DPH1: variants seen among roughly 807,000 people sequenced by gnomAD.
The protein encoded by DPH1 is 2-(3-amino-3-carboxypropyl)histidine synthase subunit 1.
In DPH1, 59 loss-of-function variants were observed where a neutral mutation model predicts 55.3. The ratio of observed to expected loss-of-function variants is 1.07; its 90% CI spans 0.87 to 1.33. DPH1 has a LOEUF of 1.33. Among genes scored for constraint, DPH1 ranks in the 40% most tolerant of loss-of-function variants. The pLI is 0.00. For missense variants in DPH1, 628 were observed against 584.8 expected (o/e 1.07, Z -0.76); for synonymous variants, 238 against 235.5 (o/e 1.01, Z -0.10).
chr17:2,042,231 G>A (rs926770062), intron 12 of DPH1: 2 of 1,421,632 alleles, frequency 1.4e-6, no homozygotes, highest in Non-Finnish European at 1.8e-6. Flanking sequence ...ATCAGACTTC[G>A]GTGAGACAAG....
At chr17:2,035,504 G>GGGGGCCGGACGAGA (rs1555525099) in intron 3 of DPH1, among the ~76,000 whole-genome samples, 2 of 148,972 alleles carry the variant, frequency 1.3e-5, no homozygotes, top group African/African-American at 2.5e-5. Flanking sequence ...GGAGGGGGTG[G>GGGGGCCGGACGAGA]GGGCCCTGCC....
intron 3 of DPH1, chr17:2,035,077 T>G (rs1035006217): frequency 2.7e-5 from 4 of 150,592 alleles, no homozygotes; most frequent in Admixed American, 2.6e-4. Context: ...GAGGAGGGGG[T>G]GACTAGCAGG....
In DPH1 at chr17:2,042,700, G is replaced by C. The variant is rs771450816; in HGVS notation, c.*114G>C. 9 of 1,548,168 alleles carry C rather than the reference G, an allele frequency of 5.8e-6. No individual in the cohort carries two copies. In the Admixed American group the frequency reaches 1.6e-4, roughly 28 times the overall value. Reference sequence around the variant, plus strand: ...ATTGGAAGAGCCCGCCGTCTGCAGGGGCCTGGAGGAATCACTGGGGATGGT... The same window carrying C: ...ATTGGAAGAGCCCGCCGTCTGCAGGCGCCTGGAGGAATCACTGGGGATGGT... On this transcript the variant is annotated 3_prime_UTR_variant, in exon 13 of 13. Transcript: ENST00000263083.
At position 2,033,806 on chromosome 17, in the gene DPH1, T is replaced by C; in HGVS notation, c.242T>C (p.Leu81Pro). The C allele has an allele frequency of 1.2e-6, 2 of 1,614,174 alleles. No individual in the cohort carries two copies. Among genetic ancestry groups the C allele is most frequent in the Non-Finnish European group, 1.7e-6 (2 of 1,180,030 alleles). The change falls in exon 3 of 13, where the codon CTC (leucine) becomes CCC (proline). Residue 81 changes from leucine to proline, a missense_variant. Physicochemically the swap from Leu to Pro is moderately conservative, Grantham distance 98 (BLOSUM62 -3). Coordinates refer to ENST00000263083, the MANE Select transcript of DPH1 (RefSeq NM_001383.6). ...GCCTTGCAAATGCCGGAAGGCCTCC[T>C]CCTCTTTGCCTGTACCATTGTGGAT... ...KVALQMPEGL[L>P]LFACTIVDIL...
intron 3 of DPH1, among the ~76,000 whole-genome samples, chr17:2,034,504 TC>T (rs1219289341): frequency 2.2e-5 from 1 of 45,674 alleles, no homozygotes; most frequent in East Asian, 7.8e-4. Flanking sequence ...CCTCCCCTTC[TC>T]CCCCATCCCC....
At chr17:2,032,818 A>G (rs2067349044) in intron 1 of DPH1, among the ~76,000 whole-genome samples, 2 of 152,268 alleles carry the variant, frequency 1.3e-5, no homozygotes, top group East Asian at 3.9e-4. Flanking sequence ...ATCTCGGCTC[A>G]CTGCAAGCTC....
chr17:2,042,213 G>A (rs1323176171), intron 12 of DPH1: 18 of 1,431,564 alleles, frequency 1.3e-5, no homozygotes, highest in Middle Eastern at 1.8e-4. Flanking sequence ...GGGCCCCGAG[G>A]GCGCCAGATC....
intron 6 of DPH1, 134 bp downstream of exon 6, chr17:2,037,090 T>C: frequency 7.5e-7 from 1 of 1,327,462 alleles, no homozygotes; most frequent in Non-Finnish European, 1.0e-6. Context: ...CACTGCAAGG[T>C]AGGGACCAAA....
At position 2,041,472 on chromosome 17, in the gene DPH1, C is replaced by A; in HGVS notation, c.1087-9C>A. On this transcript the variant is annotated splice_polypyrimidine_tract_variant and intron_variant, in intron 10 of 12. Transcript: ENST00000263083. ...GCAGATGTTATTGTCCCTCCCTCCCCTCCCCTAGGCGGCCGTGGCTCTGAG... is the reference window on the plus strand; with the variant it reads ...GCAGATGTTATTGTCCCTCCCTCCCATCCCCTAGGCGGCCGTGGCTCTGAG... 6.3e-7 allele frequency: 1 copy of A among 1,596,958 alleles called. No homozygotes were observed. Among genetic ancestry groups the A allele is most frequent in the Non-Finnish European group, 8.5e-7 (1 of 1,173,258 alleles).
intron 6 of DPH1, chr17:2,039,291 G>A (rs1024248097): frequency 6.3e-6 from 1 of 158,584 alleles, no homozygotes; most frequent in Non-Finnish European, 1.4e-5. Context: ...TTGATCTCCT[G>A]ACCTCGTGAT....
At chr17:2,033,439 C>T (rs2151341461) in intron 1 of DPH1, 66 bp from the exon 2 acceptor site, 1 of 1,610,608 alleles carries the variant, frequency 6.2e-7, no homozygotes, top group East Asian at 2.2e-5. Flanking sequence ...AAAAGGGATC[C>T]CTATTCCATC....
chr17:2,032,733 G>GT (rs1170024883), intron 1 of DPH1, among the ~76,000 whole-genome samples: 1 of 152,122 alleles, frequency 6.6e-6, no homozygotes, highest in African/African-American at 2.4e-5. Flanking sequence ...CAAGCAAAGG[G>GT]TTTTTATTTT....
At chr17:2,033,905 C>G (rs1319009821) in intron 3 of DPH1, 63 bp downstream of exon 3, 4 of 1,595,474 alleles carry the variant, frequency 2.5e-6, no homozygotes, top group Non-Finnish European at 3.4e-6. Flanking sequence ...ATGCTCATTA[C>G]CCGGGTGGGT....
At chr17:2,033,930 G>A (rs2067367284) in intron 3 of DPH1, 88 bp downstream of exon 3, 10 of 1,522,304 alleles carry the variant, frequency 6.6e-6, no homozygotes, top group Middle Eastern at 2.0e-4. Context: ...CCCTGGTGGC[G>A]GGCATTTTTT....
intron 9 of DPH1, chr17:2,040,874 G>T: frequency 3.2e-6 from 2 of 632,026 alleles, no homozygotes; most frequent in Non-Finnish European, 5.6e-6. Flanking sequence ...GTGGTTCTGG[G>T]GATACTATCA....
chr17:2,030,776 C>G (rs1190157378), intron 1 of DPH1, among the ~76,000 whole-genome samples: 2 of 152,214 alleles, frequency 1.3e-5, no homozygotes, highest in African/African-American at 4.8e-5. Context: ...GTTAGCAGTT[C>G]CTTACACGCC....
At chr17:2,035,026 T>C in intron 3 of DPH1, 1 of 151,556 alleles carries the variant, frequency 6.6e-6, no homozygotes, top group Non-Finnish European at 1.5e-5. Context: ...AGGAGGTGAA[T>C]AATCTGCTTC....
chr17:2,037,437 G>A, intron 6 of DPH1, among the ~76,000 whole-genome samples: 1 of 152,192 alleles, frequency 6.6e-6, no homozygotes, highest in Non-Finnish European at 1.5e-5. Flanking sequence ...CGTACTAATG[G>A]CAGGGAGGGA....
chr17:2,038,732 T>C (rs768993707), intron 6 of DPH1, among the ~76,000 whole-genome samples: 13 of 152,142 alleles, frequency 8.5e-5, no homozygotes, highest in Non-Finnish European at 1.6e-4. Context: ...GCCAAAAATA[T>C]TGGTTACTGC....
Sources: allele counts gnomAD v4.1 joint callset (sites outside exome capture counted in the v4.1 genomes callset), GRCh38; gene constraint gnomAD v4.1.1; transcripts MANE v1.5; gene names NCBI Gene and HGNC (gene_info 2026-07-23, HGNC 2026-07-21).